Variants in ADRA1A observed in about 807,000 individuals in gnomAD.
The protein encoded by ADRA1A is adrenoceptor alpha 1A.
A neutral mutation model predicts 29.6 loss-of-function variants in ADRA1A; 31 were observed. That is an observed-to-expected ratio of 1.05 (90% CI 0.79 to 1.41). The LOEUF (loss-of-function observed/expected upper bound fraction) is 1.41, where lower values mean the gene tolerates loss of function less well. Ranked by LOEUF, ADRA1A falls within the 40% of genes most tolerant of loss-of-function variation. ADRA1A has a pLI of 0.00. For missense variants in ADRA1A, 619 were observed against 601.1 expected, an observed-to-expected ratio of 1.03 and a Z score of -0.31; for synonymous variants, 311 against 254.3, an observed-to-expected ratio of 1.22 and a Z score of -2.12.
intron 2 of ADRA1A, among the ~76,000 whole-genome samples, chr8:26,842,718 C>T (rs1305675689): frequency 6.6e-6 from 1 of 152,116 alleles, no homozygotes; most frequent in Non-Finnish European, 1.5e-5. Context: ...GATTTCATGG[C>T]CAAAACCTTT....
rs997020281 is a variant in ADRA1A at position 26,823,290 on chromosome 8, G to A, written c.883+40797C>T. Among the ~76,000 whole-genome samples, 5 of 152,026 alleles carry A rather than the reference G, an allele frequency of 3.3e-5. No homozygotes were observed. Among genetic ancestry groups the A allele is most frequent in the South Asian group, 4.1e-4 (2 of 4,824 alleles). On this transcript the variant is annotated intron_variant, in intron 2 of 2. Transcript: ENST00000380573. The surrounding 1 kb of genome is among the most constrained non-coding windows in gnomAD (Gnocchi z 4.2). ...TAGTGTCTGCCTTCCACACTGTCACGTGCTGGGGGCTGGGCATGGGCGGTG... is the reference window on the plus strand; with the variant it reads ...TAGTGTCTGCCTTCCACACTGTCACATGCTGGGGGCTGGGCATGGGCGGTG...
chr8:26,769,270 C>G lies in ADRA1A; in HGVS notation c.*879G>C. 1.0e-6 allele frequency: 1 copy of G among 985,416 alleles called. No homozygotes were observed. Among genetic ancestry groups the G allele is most frequent in the Non-Finnish European group, 1.2e-6 (1 of 829,926 alleles). The allele number at this position is 985,416 out of a possible 1,614,324, so 61.0% of individuals were successfully genotyped here. On this transcript the variant is annotated 3_prime_UTR_variant, in exon 3 of 3. Coordinates refer to ENST00000380573, the MANE Select transcript of ADRA1A (RefSeq NM_000680.4). ...TGTGCAGTAAGTGAACAGCCTCTATCTTTGCAAGAAATTAACAGCCACACC... is the reference window on the plus strand; with the variant it reads ...TGTGCAGTAAGTGAACAGCCTCTATGTTTGCAAGAAATTAACAGCCACACC...
chr8:26,865,117 GCGGGTGGGAAACAACCCTGGCCAGCC>G lies in ADRA1A; in HGVS notation c.-174_-149del, dbSNP rs1423754849. On this transcript the variant is annotated 5_prime_UTR_variant, in exon 2 of 3. The change abolishes the stop of an existing upstream ORF in the 5' untranslated region. Transcript: ENST00000380573. The surrounding 1 kb of genome is among the most constrained non-coding windows in gnomAD (Gnocchi z 7.6). ...TTTGGCTGGGGGTGAGAGCGCGCGC[GCGGGTGGGAAACAACCCTGGCCAGCC>G]CTGGGAACCCTCAGAAGGCCACATG... is the stretch of plus-strand genomic sequence containing the variant. 1 of 1,473,646 alleles carries G rather than the reference GCGGGTGGGAAACAACCCTGGCCAGCC, an allele frequency of 6.8e-7. No homozygotes were observed. The highest frequency in any genetic ancestry group is 1.4e-5 in the African/African-American group (1 of 70,716). 91.3% of individuals were successfully genotyped at this position (1,473,646 alleles called of 1,614,324 possible).
intron 2 of ADRA1A, among the ~76,000 whole-genome samples, chr8:26,759,490 C>T (rs1027118106): frequency 5.9e-5 from 9 of 152,108 alleles, no homozygotes; most frequent in East Asian, 1.9e-4. Context: ...TCCTACTTGT[C>T]GGATTGAATT....
downstream of ADRA1A, among the ~76,000 whole-genome samples, chr8:26,751,608 T>C (rs1162372723): frequency 6.6e-6 from 1 of 152,174 alleles, no homozygotes. Context: ...AAAAAAGGAT[T>C]GTAATACTGC....
rs61760511 is a variant in ADRA1A, at chr8:26,769,987, C to A, written c.*162G>T. The A allele has an allele frequency of 2.9e-3, 4,175 of 1,435,596 alleles. 10 individuals carry two copies. The highest frequency in any genetic ancestry group is 6.6e-3 in the Middle Eastern group (26 of 3,932). 88.9% of individuals were successfully genotyped at this position (1,435,596 alleles called of 1,614,324 possible). A position where few individuals can be genotyped will look rare whatever the true frequency, so the allele number is the denominator to read the frequency against. On this transcript the variant is annotated 3_prime_UTR_variant, in exon 3 of 3. Transcript: ENST00000380573. ...TGAGACACCCTCCCTCTTCCCTGTGCCCTACCCGCTGCCTGATGAGTTGGG... is the reference window on the plus strand; with the variant it reads ...TGAGACACCCTCCCTCTTCCCTGTGACCTACCCGCTGCCTGATGAGTTGGG...
chr8:26,755,005 C>T (rs1357416763), downstream of ADRA1A, among the ~76,000 whole-genome samples: 1 of 152,130 alleles, frequency 6.6e-6, no homozygotes, highest in Non-Finnish European at 1.5e-5. Context: ...GTTGGAAAAA[C>T]TTGTTTTTTA....
At chr8:26,761,394 T>C (rs1441160240), downstream of ADRA1A, among the ~76,000 whole-genome samples, 8 of 152,226 alleles carry the variant, frequency 5.3e-5, no homozygotes, top group Non-Finnish European at 1.2e-4. Flanking sequence ...GATTCCTATG[T>C]TGAAGTCCCC....
rs1385031303 is a variant in ADRA1A at position 26,787,916 on chromosome 8, T to C, written c.884-17250A>G. ...CATTAGTGCTATCTTGTCTATTTTT[T>C]TTTTTTTAACATTTGGGGATAATTT... On this transcript the variant is annotated intron_variant, in intron 2 of 2. Transcript: ENST00000380573. The surrounding 1 kb of genome is among the most constrained non-coding windows in gnomAD (Gnocchi z 4.2). 1.3e-5 allele frequency among the ~76,000 whole-genome samples: 2 copies of C among 152,044 alleles called. No individual in the cohort carries two copies. The highest frequency in any genetic ancestry group is 2.4e-5 in the African/African-American group (1 of 41,404).
At chr8:26,845,525 A>T (rs944968265) in intron 2 of ADRA1A, among the ~76,000 whole-genome samples, 3 of 152,196 alleles carry the variant, frequency 2.0e-5, no homozygotes, top group Admixed American at 6.5e-5. Flanking sequence ...ACAATTTGGC[A>T]GTTCCTTAAT....
At chr8:26,820,245 C>T (rs1810061732) in intron 2 of ADRA1A, among the ~76,000 whole-genome samples, 1 of 152,132 alleles carries the variant, frequency 6.6e-6, no homozygotes, top group Admixed American at 6.5e-5. Flanking sequence ...ATACCAAATG[C>T]TAACAGACGT....
In ADRA1A at chr8:26,806,817, C is replaced by T. The variant is rs995109801; in HGVS notation, c.884-36151G>A. ...CATGGAACATCCTAGAAAAGGAGAA[C>T]CAGCCACACCCTCAGCTTCCCAGAG... On this transcript the variant is annotated intron_variant, in intron 2 of 2. Transcript: ENST00000380573. This position sits in a 1 kb window ranked among gnomAD's most constrained non-coding sequence, Gnocchi z 4.6. Among the ~76,000 whole-genome samples, 4 of 152,116 alleles carry T rather than the reference C, an allele frequency of 2.6e-5. No homozygotes were observed. Among genetic ancestry groups the T allele is most frequent in the African/African-American group, 4.8e-5 (2 of 41,406 alleles).
rs1444432222 is a variant in ADRA1A, at chr8:26,841,199, C to A, written c.883+22888G>T. On this transcript the variant is annotated intron_variant, in intron 2 of 2. Coordinates refer to ENST00000380573, the MANE Select transcript of ADRA1A (RefSeq NM_000680.4). The surrounding 1 kb of genome is among the most constrained non-coding windows in gnomAD (Gnocchi z 4.4). Reference sequence around the variant, plus strand: ...AAGCACATAAAGCATAAACTGAAATCCAAATGGAAAGCAATCACAAAAAGA... The same window carrying A: ...AAGCACATAAAGCATAAACTGAAATACAAATGGAAAGCAATCACAAAAAGA... Among the ~76,000 whole-genome samples, 1 of 152,304 alleles carries A rather than the reference C, an allele frequency of 6.6e-6. No individual in the cohort carries two copies. The highest frequency in any genetic ancestry group is 1.9e-4 in the East Asian group (1 of 5,188).
intron 2 of ADRA1A, among the ~76,000 whole-genome samples, chr8:26,794,032 G>C (rs979140144): frequency 1.4e-4 from 22 of 152,074 alleles, no homozygotes; most frequent in African/African-American, 4.6e-4. Context: ...GTATCATTTA[G>C]AAATGAAGTT....
chr8:26,842,661 A>T (rs566276150), intron 2 of ADRA1A, among the ~76,000 whole-genome samples: 1 of 152,082 alleles, frequency 6.6e-6, no homozygotes, highest in Non-Finnish European at 1.5e-5. Context: ...ACTGCTCTGC[A>T]ATGTTGCTTC....
chr8:26,749,684 C>G (rs1313525485), intron 2 of ADRA1A, among the ~76,000 whole-genome samples: 1 of 152,180 alleles, frequency 6.6e-6, no homozygotes, highest in Non-Finnish European at 1.5e-5. Flanking sequence ...TGCTCCTTTA[C>G]CCACAGAGAG....
chr8:26,829,547 AAAG>A (rs1257648181), intron 2 of ADRA1A, among the ~76,000 whole-genome samples: 4 of 152,194 alleles, frequency 2.6e-5, no homozygotes, highest in African/African-American at 7.2e-5. Context: ...TAGTTAGGAA[AAAG>A]AAGGATGATT....
intron 2 of ADRA1A, among the ~76,000 whole-genome samples, chr8:26,840,981 A>T (rs926158965): frequency 2.6e-5 from 4 of 152,284 alleles, no homozygotes; most frequent in African/African-American, 9.6e-5. Context: ...TGGTTGCATG[A>T]GTGCACTGGG....
downstream of ADRA1A, among the ~76,000 whole-genome samples, chr8:26,768,561 G>A (rs966731564): frequency 6.6e-6 from 1 of 152,070 alleles, no homozygotes; most frequent in African/African-American, 2.4e-5. Flanking sequence ...CCACAGGTGG[G>A]GAATTCCACA....
Sources: allele counts gnomAD v4.1 joint callset (sites outside exome capture counted in the v4.1 genomes callset), GRCh38; gene constraint gnomAD v4.1.1; non-coding constraint Gnocchi (gnomAD v3.1); transcripts MANE v1.5; gene names NCBI Gene and HGNC (gene_info 2026-07-23, HGNC 2026-07-21).